PTPRD: variants seen among roughly 807,000 people sequenced by gnomAD.
PTPRD encodes the protein receptor-type tyrosine-protein phosphatase delta.
A neutral mutation model predicts 214.5 loss-of-function variants in PTPRD; 34 were observed. The observed-to-expected ratio is 0.16, with a 90% CI of 0.12 to 0.21. The LOEUF is 0.21. PTPRD is among the 10% of genes least tolerant of loss of function. The probability of loss-of-function intolerance (pLI) is 1.00; values close to 1 mark genes in which losing one functional copy is unlikely to be tolerated. For synonymous variants in PTPRD, 1,128 were observed against 845.7 expected (o/e 1.33, Z -5.79); for missense variants, 2,545 against 2,398.7 (o/e 1.06, Z -1.27).
intron 2 of PTPRD, among the ~76,000 whole-genome samples, chr9:10,548,042 G>T (rs888950277): frequency 4.6e-5 from 7 of 152,058 alleles, no homozygotes; most frequent in African/African-American, 1.7e-4. Flanking sequence ...TCTAGCAGTT[G>T]CTGTGGGTGG....
chr9:10,142,373 C>T (rs1362455533), intron 3 of PTPRD, among the ~76,000 whole-genome samples: 3 of 151,568 alleles, frequency 2.0e-5, no homozygotes, highest in Non-Finnish European at 4.4e-5. Flanking sequence ...GCAACCTACT[C>T]ATCTGACAAA....
chr9:9,896,929 T>G (rs930824937), intron 5 of PTPRD, among the ~76,000 whole-genome samples: 1 of 152,094 alleles, frequency 6.6e-6, no homozygotes, highest in African/African-American at 2.4e-5. Flanking sequence ...GTGAGCAGAT[T>G]TATATTTGCA....
At chr9:8,739,166 A>G (rs952053800) in intron 11 of PTPRD, among the ~76,000 whole-genome samples, 4 of 152,234 alleles carry the variant, frequency 2.6e-5, no homozygotes, top group African/African-American at 9.6e-5. Flanking sequence ...TGGAGCCTAC[A>G]GCAAACCTGA....
At chr9:9,627,567 C>T (rs929295031) in intron 7 of PTPRD, among the ~76,000 whole-genome samples, 4 of 152,038 alleles carry the variant, frequency 2.6e-5, no homozygotes, top group South Asian at 2.1e-4. Context: ...GGTGAGGTAA[C>T]GATAAAGTGT....
At chr9:9,400,092 GTT>G (rs3048790) in intron 8 of PTPRD, among the ~76,000 whole-genome samples, 42,538 of 100,704 alleles carry the variant, frequency 0.42, 6,478 homozygotes, top group African/African-American at 0.5. Flanking sequence ...TTACCTACTA[GTT>G]TTTTTTTTTT....
intron 8 of PTPRD, among the ~76,000 whole-genome samples, chr9:9,483,850 C>T (rs1227917693): frequency 1.3e-5 from 2 of 150,612 alleles, no homozygotes; most frequent in Admixed American, 6.6e-5. Context: ...GACCTGCCTA[C>T]TTCTCTGAAG....
At chr9:9,950,143 C>T (rs1462340368) in intron 4 of PTPRD, among the ~76,000 whole-genome samples, 1 of 152,152 alleles carries the variant, frequency 6.6e-6, no homozygotes, top group Non-Finnish European at 1.5e-5. Flanking sequence ...GTGACAACGA[C>T]CTTTGTGTGA....
intron 12 of PTPRD, among the ~76,000 whole-genome samples, chr9:8,690,715 G>C (rs916967808): frequency 6.6e-6 from 1 of 151,910 alleles, no homozygotes; most frequent in African/African-American, 2.4e-5. Flanking sequence ...AAAATGTAGA[G>C]AAAAGACATA....
chr9:10,216,811 CTTTCTAATTCAATAGCAAAATTCTG>C (rs2099543480), intron 3 of PTPRD, among the ~76,000 whole-genome samples: 1 of 152,012 alleles, frequency 6.6e-6, no homozygotes, highest in East Asian at 1.9e-4. Context: ...ACTTCTATCT[CTTTCTAATTCAATAGCAAAATTCTG>C]CAATGATTCT....
At chr9:9,134,934 T>C (rs2099848611) in intron 10 of PTPRD, among the ~76,000 whole-genome samples, 1 of 152,162 alleles carries the variant, frequency 6.6e-6, no homozygotes, top group Non-Finnish European at 1.5e-5. Flanking sequence ...GATGTAATCT[T>C]AGCAGACAGA....
At chr9:9,193,832 C>T (rs2099936676) in intron 9 of PTPRD, among the ~76,000 whole-genome samples, 1 of 152,040 alleles carries the variant, frequency 6.6e-6, no homozygotes, top group African/African-American at 2.4e-5. Flanking sequence ...ACTTTATACG[C>T]ACTGTAAACT....
At chr9:10,197,831 G>A (rs912621070) in intron 3 of PTPRD, among the ~76,000 whole-genome samples, 1 of 152,038 alleles carries the variant, frequency 6.6e-6, no homozygotes, top group Non-Finnish European at 1.5e-5. Context: ...AGAGAACAGA[G>A]AAGTAAGTAG....
intron 9 of PTPRD, among the ~76,000 whole-genome samples, chr9:9,225,508 T>G (rs1178572718): frequency 2.6e-5 from 4 of 152,056 alleles, no homozygotes; most frequent in African/African-American, 9.7e-5. Context: ...AAATTCCTTG[T>G]GCTACAAATC....
chr9:10,298,947 T>C (rs1280477866), intron 3 of PTPRD, among the ~76,000 whole-genome samples: 2 of 152,062 alleles, frequency 1.3e-5, no homozygotes, highest in African/African-American at 4.8e-5. Flanking sequence ...CTAGAAACTT[T>C]CTCAATGCTT....
intron 3 of PTPRD, among the ~76,000 whole-genome samples, chr9:10,125,037 C>G (rs940699878): frequency 3.9e-5 from 6 of 152,154 alleles, no homozygotes; most frequent in African/African-American, 1.4e-4. Flanking sequence ...ACTGAATGAT[C>G]ATCACTGTGA....
At chr9:9,393,859 A>G (rs570059230) in intron 9 of PTPRD, among the ~76,000 whole-genome samples, 18 of 152,276 alleles carry the variant, frequency 1.2e-4, no homozygotes, top group African/African-American at 2.9e-4. Flanking sequence ...ATTACCATCA[A>G]TTTCATCATT....
At chr9:9,044,256 G>A (rs1569498027) in intron 10 of PTPRD, among the ~76,000 whole-genome samples, 1 of 152,182 alleles carries the variant, frequency 6.6e-6, no homozygotes, top group African/African-American at 2.4e-5. Context: ...CACTCAACAT[G>A]TCACCAAAGG....
At chr9:10,522,593 T>G (rs906249737) in intron 2 of PTPRD, among the ~76,000 whole-genome samples, 2 of 152,100 alleles carry the variant, frequency 1.3e-5, no homozygotes, top group Non-Finnish European at 2.9e-5. Context: ...AAAGGACTGA[T>G]GTACTGAGAG....
At chr9:8,704,942 T>A (rs79655313) in intron 12 of PTPRD, among the ~76,000 whole-genome samples, 21,361 of 151,686 alleles carry the variant, frequency 0.14, 1,605 homozygotes, top group East Asian at 0.22. Flanking sequence ...AATAAATAAA[T>A]AAAAAGAAAT....
Sources: allele counts gnomAD v4.1 joint callset (sites outside exome capture counted in the v4.1 genomes callset), GRCh38; gene constraint gnomAD v4.1.1; transcripts MANE v1.5; gene names NCBI Gene and HGNC (gene_info 2026-07-23, HGNC 2026-07-21).